The following SMC5 variants were observed in gnomAD, a reference collection of about 807,000 sequenced individuals.
The protein encoded by SMC5 is structural maintenance of chromosomes protein 5.
In SMC5, 88 loss-of-function variants were observed where a neutral mutation model predicts 148.3. The observed-to-expected ratio is 0.59, with a 90% CI of 0.50 to 0.71. The LOEUF (loss-of-function observed/expected upper bound fraction) is 0.71. Among genes scored for constraint, SMC5 ranks in the 30% least tolerant of loss-of-function variants. SMC5 has a pLI of 0.00. For missense variants in SMC5, 1,142 were observed against 1,298.9 expected (o/e 0.88, Z 1.86); for synonymous variants, 421 against 432.8 (o/e 0.97, Z 0.34).
Position 70,318,660 on chromosome 9 carries a change from G to C in SMC5, c.1953G>C (p.Gln651His), listed in dbSNP as rs1009293830. Residue 651 changes from glutamine (Q) to histidine (H), a missense_variant, in exon 14 of 25, where the codon CAG (glutamine) becomes CAC (histidine). This residue lies in a region of SMC5 where 743 missense variants were observed against 835.7 expected (regional missense o/e 0.89). Coordinates refer to ENST00000361138, the MANE Select transcript of SMC5 (RefSeq NM_015110.4). ...QFLTVTVDLE[Q>H]RRHLEEQLKE... ...TCACTGTCACTGTGGACCTAGAGCA[G>C]AGAAGACACTTAGAAGAACAGCTAA... is the stretch of plus-strand genomic sequence containing the variant. The C allele has an allele frequency of 4.4e-6, 7 of 1,605,390 alleles. No homozygotes were observed. The highest frequency in any genetic ancestry group is 5.9e-6 in the Non-Finnish European group (7 of 1,176,552).
Position 70,352,360 on chromosome 9 carries a change from T to C in SMC5, c.*29T>C, listed in dbSNP as rs2036825821. On this transcript the variant is annotated 3_prime_UTR_variant, in exon 25 of 25. Transcript: ENST00000361138. Reference sequence around the variant, plus strand: ...AAGTAAAGAGAGGGAACTTGGGAATTTTTTTTGTTAAATTCTGTTTATAAG... The same window carrying C: ...AAGTAAAGAGAGGGAACTTGGGAATCTTTTTTGTTAAATTCTGTTTATAAG... 6.4e-7 allele frequency: 1 copy of C among 1,565,276 alleles called. No individual in the cohort carries two copies. The highest frequency in any genetic ancestry group is 2.0e-5 in the Admixed American group (1 of 48,846).
intron 8 of SMC5, among the ~76,000 whole-genome samples, chr9:70,297,129 T>G (rs2035222758): frequency 6.6e-6 from 1 of 152,178 alleles, no homozygotes; most frequent in Non-Finnish European, 1.5e-5. Context: ...CATAATGAGG[T>G]ATCTTGAGAA....
intron 8 of SMC5, among the ~76,000 whole-genome samples, chr9:70,291,916 G>T (rs760566572): frequency 6.6e-6 from 1 of 152,050 alleles, no homozygotes; most frequent in Non-Finnish European, 1.5e-5. Context: ...TAGACTGCAG[G>T]TTTTCACTAT....
At chr9:70,309,318 C>CTTGTT (rs2035594423) in intron 11 of SMC5, among the ~76,000 whole-genome samples, 1 of 79,180 alleles carries the variant, frequency 1.3e-5, no homozygotes. Context: ...TTTCCTTTTC[C>CTTGTT]TTTTTTTTTT....
intron 11 of SMC5, among the ~76,000 whole-genome samples, chr9:70,307,732 G>T (rs1659035038): frequency 6.6e-6 from 1 of 152,018 alleles, no homozygotes; most frequent in South Asian, 2.1e-4. Context: ...TCGAACTCCT[G>T]ACCTCAAGTG....
Position 70,314,787 on chromosome 9 carries a change from A to G in SMC5, c.1624A>G (p.Lys542Glu), listed in dbSNP as rs775069851. 2 of 1,579,044 alleles carry G rather than the reference A, an allele frequency of 1.3e-6. No individual in the cohort carries two copies. Among genetic ancestry groups the G allele is most frequent in the South Asian group, 1.2e-5 (1 of 84,492 alleles). The change falls in exon 12 of 25, where the codon AAG becomes GAG. Residue 542 changes from lysine to glutamate, a missense_variant. Transcript: ENST00000361138. Reference sequence around the variant, plus strand: ...AAGAGTAAATGCTGTTATTGCTCCCAAGAGTTCATATGCAGACAAAGCACC... The same window carrying G: ...AAGAGTAAATGCTGTTATTGCTCCCGAGAGTTCATATGCAGACAAAGCACC... ...KLRVNAVIAPKSSYADKAPSR... is the reference protein window; with the variant it reads ...KLRVNAVIAPESSYADKAPSR...
At chr9:70,271,037 A>T (rs2034436202) in intron 3 of SMC5, among the ~76,000 whole-genome samples, 1 of 152,142 alleles carries the variant, frequency 6.6e-6, no homozygotes, top group Admixed American at 6.5e-5. Context: ...TGAGTTTAGA[A>T]TATTTGCATT....
intron 13 of SMC5, 30 bp downstream of exon 13, chr9:70,315,608 C>A (rs765487025): frequency 3.5e-6 from 5 of 1,442,092 alleles, no homozygotes; most frequent in South Asian, 1.6e-5. Context: ...TGTACTGAAT[C>A]ATGTACCAAA....
In SMC5 at chr9:70,318,811, G is replaced by A; in HGVS notation, c.1998G>A (p.Leu666=). Residue 666 remains leucine (L), a synonymous_variant, in exon 15 of 25, where the codon TTG becomes TTA. Coordinates refer to ENST00000361138, the MANE Select transcript of SMC5 (RefSeq NM_015110.4). ...TTTTATAGGAAATTCATAGAAAATT[G>A]CAAGCAGTGGATTCAGGGTTGATTG... is the stretch of plus-strand genomic sequence containing the variant. ...EEQLKEIHRK[L]QAVDSGLIAL... is the part of the protein sequence containing the mutation. 1 of 1,567,182 alleles carries A rather than the reference G, an allele frequency of 6.4e-7. No homozygotes were observed. The highest frequency in any genetic ancestry group is 1.2e-5 in the South Asian group (1 of 81,392).
chr9:70,283,938 GT>G (rs2118208606), intron 7 of SMC5, among the ~76,000 whole-genome samples: 1 of 152,134 alleles, frequency 6.6e-6, no homozygotes, highest in African/African-American at 2.4e-5. Context: ...TTCATCTTTT[GT>G]TTGTAAAAAA....
intron 22 of SMC5, among the ~76,000 whole-genome samples, 173 bp from the exon 23 acceptor site, chr9:70,349,941 C>T (rs942406141): frequency 2.0e-5 from 3 of 151,936 alleles, no homozygotes; most frequent in East Asian, 1.9e-4. Flanking sequence ...TAACTGTTTG[C>T]TTAATATTTA....
In SMC5 at chr9:70,278,511, T is replaced by C. The variant is rs762789934; in HGVS notation, c.564T>C (p.Ala188=). 1.2e-6 allele frequency: 2 copies of C among 1,608,008 alleles called. No individual in the cohort carries two copies. The highest frequency in any genetic ancestry group is 1.1e-5 in the South Asian group (1 of 89,680). Residue 188 remains alanine, a synonymous_variant, in exon 5 of 25, where the codon GCT becomes GCC. Transcript: ENST00000361138. ...FLPQDKVGEF[A]KLSKIELLEA... is the part of the protein sequence containing the mutation. ...TCTAGGACAAAGTTGGAGAATTTGC[T>C]AAACTCAGCAAAATTGAACTCCTCG... is the stretch of plus-strand genomic sequence containing the variant.
chr9:70,299,474 TATC>T (rs1403901152), intron 9 of SMC5, among the ~76,000 whole-genome samples: 1 of 152,036 alleles, frequency 6.6e-6, no homozygotes, highest in African/African-American at 2.4e-5. Flanking sequence ...CCTGCATGGT[TATC>T]ATTTGTAATT....
chr9:70,317,845 C>T (rs540231700), intron 13 of SMC5, among the ~76,000 whole-genome samples: 42 of 152,274 alleles, frequency 2.8e-4, no homozygotes, highest in Non-Finnish European at 5.1e-4. Context: ...GATTATTCTT[C>T]CCAAATATAC....
chr9:70,269,922 T>A (rs1423824577), intron 3 of SMC5, among the ~76,000 whole-genome samples: 1 of 152,198 alleles, frequency 6.6e-6, no homozygotes, highest in Non-Finnish European at 1.5e-5. Flanking sequence ...TGGGATATTT[T>A]AAGAGATAGG....
At position 70,305,366 on chromosome 9, in the gene SMC5, T is replaced by A; in HGVS notation, c.1578+6T>A. 1 of 1,493,748 alleles carries A rather than the reference T, an allele frequency of 6.7e-7. No homozygotes were observed. The highest frequency in any genetic ancestry group is 9.3e-7 in the Non-Finnish European group (1 of 1,076,364). 92.5% of individuals were successfully genotyped at this position (1,493,748 alleles called of 1,614,324 possible). ...TGGAGGTTTTCCTCAAAGAGGCAAG[T>A]ACTAACCAACACAACACTTTGATTC... On this transcript the variant is annotated splice_donor_region_variant and intron_variant, in intron 11 of 24. Coordinates refer to ENST00000361138, the MANE Select transcript of SMC5 (RefSeq NM_015110.4).
At chr9:70,342,732 A>G (rs1453454126) in intron 17 of SMC5, among the ~76,000 whole-genome samples, 1 of 152,184 alleles carries the variant, frequency 6.6e-6, no homozygotes. Flanking sequence ...TTAGTAGATG[A>G]GATACCTTCC....
intron 17 of SMC5, among the ~76,000 whole-genome samples, chr9:70,327,910 C>G (rs181910157): frequency 2.6e-5 from 4 of 152,108 alleles, no homozygotes; most frequent in Non-Finnish European, 5.9e-5. Context: ...GCTGGGAGAC[C>G]TCAGGAAACT....
At chr9:70,332,351 C>G (rs2036238252) in intron 17 of SMC5, among the ~76,000 whole-genome samples, 1 of 151,812 alleles carries the variant, frequency 6.6e-6, no homozygotes, top group African/African-American at 2.4e-5. Flanking sequence ...AAAACCCTGT[C>G]TCTACAAAAA....
Sources: gnomAD v4.1 joint callset for allele counts (sites outside exome capture counted in the v4.1 genomes callset) on GRCh38, gnomAD v4.1.1 for gene constraint, gnomAD v4.1.1 regional missense constraint, MANE v1.5 for transcripts, NCBI Gene and HGNC (gene_info 2026-07-23, HGNC 2026-07-21) for gene names.